MALT1: variants seen among roughly 807,000 people sequenced by gnomAD.
The protein encoded by MALT1 is MALT1 paracaspase.
Under a neutral mutation model 85.5 loss-of-function variants are expected in MALT1, and 36 were observed. The ratio of observed to expected loss-of-function variants is 0.42; its 90% CI spans 0.32 to 0.56. The LOEUF (loss-of-function observed/expected upper bound fraction) is 0.56, where lower values mean the gene tolerates loss of function less well. Ranked by LOEUF, MALT1 falls within the 20% of genes least tolerant of loss-of-function variation. The pLI is 0.10. For synonymous variants in MALT1, 359 were observed against 361.3 expected, an observed-to-expected ratio of 0.99 and a Z score of 0.07; for missense variants, 716 against 981.6, an observed-to-expected ratio of 0.73 and a Z score of 3.62.
rs1433397258 is a variant in MALT1 at position 58,671,584 on chromosome 18, G to A, written c.-60G>A. The A allele has an allele frequency of 1.9e-5, 21 of 1,123,020 alleles. No homozygotes were observed. 69.6% of individuals were successfully genotyped at this position (1,123,020 alleles called of 1,614,324 possible). A position where few individuals can be genotyped will look rare whatever the true frequency, so the allele number is the denominator to read the frequency against. On this transcript the variant is annotated 5_prime_UTR_variant, in exon 1 of 17. Transcript: ENST00000649217. ...GGAGGCGAGCGGAAGGTGCCCCGGGGCCGAGGCCCGTGACGGGGCGGGCGG... is the reference window on the plus strand; with the variant it reads ...GGAGGCGAGCGGAAGGTGCCCCGGGACCGAGGCCCGTGACGGGGCGGGCGG...
chr18:58,710,053 G>A lies in MALT1; in HGVS notation c.906G>A (p.Lys302=). The part of the protein sequence containing the change: ...VYNDRDSQDS[K]KVEIIIGRTD... ...ATGATCGAGACAGTCAAGATAGCAA[G>A]AAGGTAGAAATCATCATAGGTAAGA... Residue 302 remains lysine (K), a synonymous_variant, in exon 6 of 17, where the codon AAG becomes AAA. Transcript: ENST00000649217. 1 of 1,610,544 alleles carries A rather than the reference G, an allele frequency of 6.2e-7. No homozygotes were observed. The highest frequency in any genetic ancestry group is 8.5e-7 in the Non-Finnish European group (1 of 1,177,274).
chr18:58,676,529 C>T (rs1304760480), intron 1 of MALT1, among the ~76,000 whole-genome samples: 2 of 152,176 alleles, frequency 1.3e-5, no homozygotes, highest in Non-Finnish European at 1.5e-5. Context: ...TACTTGCTGC[C>T]TACTCAGGCT....
chr18:58,679,991 C>T (rs949036456), intron 1 of MALT1, among the ~76,000 whole-genome samples: 1 of 151,840 alleles, frequency 6.6e-6, no homozygotes, highest in Non-Finnish European at 1.5e-5. Context: ...TGAAACCAGC[C>T]TGGGCAACAT....
At chr18:58,743,538 G>A (rs1020348027) in intron 14 of MALT1, among the ~76,000 whole-genome samples, 15 of 151,928 alleles carry the variant, frequency 9.9e-5, no homozygotes, top group African/African-American at 2.4e-4. Context: ...GCAAAATTAC[G>A]GTGGTAAAGA....
rs1325754225 is a variant in MALT1, at chr18:58,735,405, C to G, written c.1603+76C>G. On this transcript the variant is annotated intron_variant, in intron 13 of 16. Transcript: ENST00000649217. ...GACACACCTATTCAGGGTTCCCTCT[C>G]TGGTGATTGTTTTATTCTTATTATG... 4.1e-6 allele frequency: 6 copies of G among 1,463,442 alleles called. No individual in the cohort carries two copies. The Admixed American group carries it at 7.4e-5, about 18-fold the overall frequency. 90.7% of individuals were successfully genotyped at this position (1,463,442 alleles called of 1,614,324 possible). A position where few individuals can be genotyped will look rare whatever the true frequency, so the allele number is the denominator to read the frequency against.
At chr18:58,722,567 T>C (rs1272408362) in intron 9 of MALT1, among the ~76,000 whole-genome samples, 1 of 144,112 alleles carries the variant, frequency 6.9e-6, no homozygotes, top group East Asian at 2.0e-4. Context: ...CTCTTTGATA[T>C]TTCCCCTCAT....
At chr18:58,695,289 C>T (rs542846264) in intron 2 of MALT1, among the ~76,000 whole-genome samples, 78 of 152,320 alleles carry the variant, frequency 5.1e-4, no homozygotes, top group Admixed American at 1.0e-3. Flanking sequence ...GCAGGGCTAC[C>T]TGAATGGCCT....
chr18:58,709,478 T>C lies in MALT1; in HGVS notation c.750T>C (p.Ala250=). 1 of 1,613,608 alleles carries C rather than the reference T, an allele frequency of 6.2e-7. No homozygotes were observed. Among genetic ancestry groups the C allele is most frequent in the Non-Finnish European group, 8.5e-7 (1 of 1,179,734 alleles). The change falls in exon 5 of 17, where the codon GCT becomes GCC. Residue 250 remains alanine (A), a synonymous_variant. Coordinates refer to ENST00000649217, the MANE Select transcript of MALT1 (RefSeq NM_006785.4). Reference sequence around the variant, plus strand: ...GCACATTGGTTTTACAGTGTGTTGCTGTTGGAAGCCCTATTCCTCACTACC... The same window carrying C: ...GCACATTGGTTTTACAGTGTGTTGCCGTTGGAAGCCCTATTCCTCACTACC... The part of the protein sequence containing the change: ...PGSTLVLQCV[A]VGSPIPHYQW...
intron 4 of MALT1, among the ~76,000 whole-genome samples, chr18:58,704,845 A>G (rs192091340): frequency 1.8e-4 from 27 of 152,274 alleles, no homozygotes; most frequent in African/African-American, 6.5e-4. Context: ...AGATGACAGA[A>G]TACAGGTAAG....
At chr18:58,717,868 A>G (rs998522413) in intron 9 of MALT1, among the ~76,000 whole-genome samples, 4 of 152,124 alleles carry the variant, frequency 2.6e-5, no homozygotes, top group African/African-American at 9.7e-5. Context: ...ATTAAGAAAT[A>G]CCTATTAAAA....
intron 12 of MALT1, among the ~76,000 whole-genome samples, chr18:58,734,913 G>T (rs1957418248): frequency 6.6e-6 from 1 of 152,162 alleles, no homozygotes. Flanking sequence ...AGTTATAATT[G>T]TATGTATTTA....
chr18:58,709,640 C>T, intron 5 of MALT1, 84 bp downstream of exon 5: 1 of 1,124,144 alleles, frequency 8.9e-7, no homozygotes, highest in Non-Finnish European at 1.2e-6. Context: ...AACATTAAAA[C>T]TCATATCCTT....
At chr18:58,708,898 G>A (rs188416431) in intron 4 of MALT1, among the ~76,000 whole-genome samples, 3 of 152,266 alleles carry the variant, frequency 2.0e-5, no homozygotes, top group African/African-American at 7.2e-5. Flanking sequence ...ATCTGCCTGG[G>A]GTAGAAATGT....
chr18:58,746,398 AT>A (rs1057023805), intron 16 of MALT1, among the ~76,000 whole-genome samples: 2 of 152,004 alleles, frequency 1.3e-5, no homozygotes, highest in African/African-American at 2.4e-5. Context: ...GCAAATTAGA[AT>A]TTTTTTTCCA....
At chr18:58,732,631 T>C (rs2055166273) in intron 10 of MALT1, among the ~76,000 whole-genome samples, 2 of 152,140 alleles carry the variant, frequency 1.3e-5, no homozygotes, top group Admixed American at 6.5e-5. Flanking sequence ...TGTTCATCCG[T>C]TAAATACTTA....
intron 14 of MALT1, among the ~76,000 whole-genome samples, chr18:58,744,124 A>T (rs558467865): frequency 2.0e-5 from 3 of 152,204 alleles, no homozygotes; most frequent in African/African-American, 7.2e-5. Flanking sequence ...AATAAAAATT[A>T]TATATACAGT....
Position 58,748,009 on chromosome 18 carries a change from T to G in MALT1, c.*167T>G, listed in dbSNP as rs533352639. ...CTTTGAGATGTTGAAATTACATTAT[T>G]TAATTACAGACTTCCTCTTTCTAAG... On this transcript the variant is annotated 3_prime_UTR_variant, in exon 17 of 17. Transcript: ENST00000649217. 1.7e-6 allele frequency: 1 copy of G among 597,710 alleles called. No individual in the cohort carries two copies. Among genetic ancestry groups the G allele is most frequent in the Middle Eastern group, 4.5e-4 (1 of 2,216 alleles). 37.0% of individuals were successfully genotyped at this position (597,710 alleles called of 1,614,324 possible).
chr18:58,736,846 A>G (rs2055228219), intron 13 of MALT1, among the ~76,000 whole-genome samples: 1 of 152,242 alleles, frequency 6.6e-6, no homozygotes, highest in Non-Finnish European at 1.5e-5. Context: ...TCATTGTACA[A>G]AATAAGTAAA....
intron 1 of MALT1, among the ~76,000 whole-genome samples, chr18:58,678,451 G>C (rs1372167625): frequency 1.3e-5 from 2 of 152,114 alleles, no homozygotes; most frequent in Non-Finnish European, 2.9e-5. Flanking sequence ...GGGATTTTAT[G>C]TCTGCGTGTG....
Sources: allele counts gnomAD v4.1 joint callset (sites outside exome capture counted in the v4.1 genomes callset), GRCh38; gene constraint gnomAD v4.1.1; transcripts MANE v1.5; gene names NCBI Gene and HGNC (gene_info 2026-07-23, HGNC 2026-07-21).